GNB5: variants seen among roughly 807,000 people sequenced by gnomAD.
The protein encoded by GNB5 is guanine nucleotide-binding protein subunit beta-5.
Under a neutral mutation model 55.3 loss-of-function variants are expected in GNB5, and 37 were observed. That is an observed-to-expected ratio of 0.67 (90% CI 0.51 to 0.88). The LOEUF (loss-of-function observed/expected upper bound fraction) is 0.88, where lower values mean the gene tolerates loss of function less well. GNB5 is among the 40% of genes least tolerant of loss of function. The pLI is 0.00. For missense variants in GNB5, 476 were observed against 515.3 expected, an observed-to-expected ratio of 0.92 and a Z score of 0.74; for synonymous variants, 219 against 198.5, an observed-to-expected ratio of 1.10 and a Z score of -0.87.
At chr15:52,147,711 T>C (rs1200748238) in intron 5 of GNB5, among the ~76,000 whole-genome samples, 176 bp from the exon 6 acceptor site, 1 of 152,082 alleles carries the variant, frequency 6.6e-6, no homozygotes, top group Non-Finnish European at 1.5e-5. Context: ...CTCAGCTTCC[T>C]AACTGGGATT....
chr15:52,137,066 C>G (rs190196078), intron 7 of GNB5: 2 of 483,820 alleles, frequency 4.1e-6, no homozygotes, highest in Non-Finnish European at 7.6e-6. Context: ...TTGCAAGACC[C>G]ACCTTAAAAT....
chr15:52,126,443 C>T (rs1200402963), intron 10 of GNB5, among the ~76,000 whole-genome samples: 1 of 152,120 alleles, frequency 6.6e-6, no homozygotes, highest in Non-Finnish European at 1.5e-5. Flanking sequence ...TCAGCTGTTT[C>T]CTTCAGTCTT....
chr15:52,123,622 A>C (rs2033334418), intron 12 of GNB5: 1 of 150,942 alleles, frequency 6.6e-6, no homozygotes, highest in African/African-American at 2.5e-5. Context: ...GGCTCACTGC[A>C]ACCTCTGCCT....
chr15:52,148,275 G>A (rs546842408), intron 5 of GNB5, among the ~76,000 whole-genome samples: 171 of 151,608 alleles, frequency 1.1e-3, no homozygotes, highest in Non-Finnish European at 2.1e-3. Flanking sequence ...GAATCTGCAA[G>A]AGCCTGTGTC....
intron 1 of GNB5, among the ~76,000 whole-genome samples, chr15:52,186,881 C>T (rs2034853552): frequency 6.6e-6 from 1 of 152,114 alleles, no homozygotes; most frequent in Non-Finnish European, 1.5e-5. Flanking sequence ...AGTTCGAGAC[C>T]TCTGGGCAAC....
intron 3 of GNB5, among the ~76,000 whole-genome samples, chr15:52,164,560 G>A (rs750943953): frequency 1.3e-5 from 2 of 150,822 alleles, no homozygotes; most frequent in Admixed American, 6.6e-5. Context: ...CCTGGGAGGC[G>A]GAGCTTGCAG....
At chr15:52,149,241 T>C (rs1275017225) in intron 5 of GNB5, 1 of 152,792 alleles carries the variant, frequency 6.5e-6, no homozygotes, top group Admixed American at 6.5e-5. Flanking sequence ...TTTCATAGCA[T>C]AAAGGAAGGC....
In GNB5 at chr15:52,135,646, G is replaced by C. The variant is rs1182162955; in HGVS notation, c.738C>G (p.Ala246=). ...CGAAGGTGTTTCCAGTTTCTGAGGGGGCCAGGTCCAAGCAGAGGACGTCAG... is the reference window on the plus strand; with the variant it reads ...CGAAGGTGTTTCCAGTTTCTGAGGGCGCCAGGTCCAAGCAGAGGACGTCAG... ...HGADVLCLDL[A]PSETGNTFVS... is the part of the protein sequence containing the mutation. The change falls in exon 8 of 13, where the codon GCC becomes GCG. Residue 246 remains alanine, a synonymous_variant. Coordinates refer to ENST00000261837, the MANE Select transcript of GNB5 (RefSeq NM_016194.4). 1.2e-6 allele frequency: 2 copies of C among 1,613,570 alleles called. No individual in the cohort carries two copies. Among genetic ancestry groups the C allele is most frequent in the African/African-American group, 2.7e-5 (2 of 74,846 alleles).
intron 3 of GNB5, among the ~76,000 whole-genome samples, chr15:52,165,732 C>T (rs1566946097): frequency 6.7e-6 from 1 of 148,214 alleles, no homozygotes; most frequent in Non-Finnish European, 1.5e-5. Flanking sequence ...CTGTTACCAG[C>T]TACTACCAAA....
Position 52,148,342 on chromosome 15 carries a change from G to C in GNB5, c.418-807C>G, listed in dbSNP as rs2034020586. ...TATGAATGGGTCAGGGGAGGGGAGG[G>C]TGATCTTGGGTTGTGCTCACGGATA... On this transcript the variant is annotated intron_variant, in intron 5 of 12. Transcript: ENST00000261837. 6.6e-5 allele frequency among the ~76,000 whole-genome samples: 10 copies of C among 152,182 alleles called. No individual in the cohort carries two copies. The South Asian group carries it at 1.9e-3, about 28-fold the overall frequency.
Position 52,182,599 on chromosome 15 carries a change from T to G in GNB5, c.126+1952A>C, listed in dbSNP as rs142244245. 3.2e-3 allele frequency among the ~76,000 whole-genome samples: 491 copies of G among 152,258 alleles called. 3 individuals are homozygous for G. The highest frequency in any genetic ancestry group is 0.011 in the African/African-American group (475 of 41,550). On this transcript the variant is annotated intron_variant, in intron 2 of 12. Coordinates refer to ENST00000261837, the MANE Select transcript of GNB5 (RefSeq NM_016194.4). ...TGAGGAAGCTGGATATCAGAAAAGT[T>G]GAGGTCAGCTACATTCCACAGTGGT...
chr15:52,161,445 G>A (rs1376175515), intron 3 of GNB5, among the ~76,000 whole-genome samples: 3 of 152,138 alleles, frequency 2.0e-5, no homozygotes, highest in South Asian at 2.1e-4. Flanking sequence ...TTACAGGCAC[G>A]CGCTACCACG....
At chr15:52,182,836 G>A (rs1396903313) in intron 2 of GNB5, among the ~76,000 whole-genome samples, 1 of 152,206 alleles carries the variant, frequency 6.6e-6, no homozygotes, top group Non-Finnish European at 1.5e-5. Flanking sequence ...TGAAAGCAAT[G>A]AGAATTGTTA....
At chr15:52,141,325 T>A in intron 6 of GNB5, 53 bp from the exon 7 acceptor site, 1 of 1,514,618 alleles carries the variant, frequency 6.6e-7, no homozygotes, top group Non-Finnish European at 9.2e-7. Flanking sequence ...ACAGAATATG[T>A]GTCTACTTTT....
At chr15:52,144,762 C>T (rs1182673257) in intron 6 of GNB5, among the ~76,000 whole-genome samples, 2 of 152,180 alleles carry the variant, frequency 1.3e-5, no homozygotes, top group Middle Eastern at 3.4e-3. Context: ...GTCAAGCCCC[C>T]AATAAAACCT....
At chr15:52,178,264 C>A (rs2034691576) in intron 3 of GNB5, among the ~76,000 whole-genome samples, 1 of 152,192 alleles carries the variant, frequency 6.6e-6, no homozygotes, top group East Asian at 1.9e-4. Context: ...TCAGTTTCCT[C>A]ATCTGTCAAA....
chr15:52,167,405 C>G (rs1356859644), intron 3 of GNB5, among the ~76,000 whole-genome samples: 1 of 152,158 alleles, frequency 6.6e-6, no homozygotes, highest in African/African-American at 2.4e-5. Flanking sequence ...TGCAGTGGCC[C>G]ACGTCTGTAA....
intron 1 of GNB5, among the ~76,000 whole-genome samples, chr15:52,190,811 A>C (rs1056083541): frequency 1.8e-4 from 20 of 108,616 alleles, no homozygotes; most frequent in Admixed American, 3.2e-4. Flanking sequence ...AAAAAAAAAA[A>C]AAAAAAACAT....
chr15:52,183,864 C>T (rs979781208), intron 2 of GNB5, among the ~76,000 whole-genome samples: 4 of 152,190 alleles, frequency 2.6e-5, no homozygotes, highest in Non-Finnish European at 4.4e-5. Context: ...AGATCTGAAG[C>T]CTGTGCACAG....
Sources: allele counts gnomAD v4.1 joint callset (sites outside exome capture counted in the v4.1 genomes callset), GRCh38; gene constraint gnomAD v4.1.1; transcripts MANE v1.5; gene names NCBI Gene and HGNC (gene_info 2026-07-23, HGNC 2026-07-21).